The following PRR11 variants were observed in gnomAD, a reference collection of about 807,000 sequenced individuals.
The protein encoded by PRR11 is proline-rich protein 11.
PRR11 carries 30 observed loss-of-function variants against 45.6 expected under a neutral mutation model. The ratio of observed to expected loss-of-function variants is 0.66; its 90% CI spans 0.49 to 0.89. PRR11 has a LOEUF of 0.89. Among genes scored for constraint, PRR11 ranks in the 40% least tolerant of loss-of-function variants. The probability of loss-of-function intolerance (pLI) is 0.00; values close to 1 mark genes in which losing one functional copy is unlikely to be tolerated. For missense variants in PRR11, 373 were observed against 424.8 expected (o/e 0.88, Z 1.07); for synonymous variants, 128 against 153.5 (o/e 0.83, Z 1.23).
intron 4 of PRR11, among the ~76,000 whole-genome samples, chr17:59,186,457 A>G (rs915103135): frequency 7.9e-6 from 1 of 127,274 alleles, no homozygotes; most frequent in Non-Finnish European, 1.6e-5. Context: ...GTGCAGTGGC[A>G]TGATCATGGC....
At position 59,194,880 on chromosome 17, in the gene PRR11, TGC is replaced by T. The variant is rs765973163; in HGVS notation, c.744+26_744+27del. ...GGTAAGATGTCATTGACCACATACATGCTCTTTTTGCTTTTAACAATATAGGC... is the reference window on the plus strand; with the variant it reads ...GGTAAGATGTCATTGACCACATACATTCTTTTTGCTTTTAACAATATAGGC... On this transcript the variant is annotated intron_variant, in intron 6 of 9. Coordinates refer to ENST00000262293, the MANE Select transcript of PRR11 (RefSeq NM_018304.4). 55 of 1,570,778 alleles carry T rather than the reference TGC, an allele frequency of 3.5e-5. No homozygotes were observed. In the East Asian group the frequency reaches 1.1e-3, roughly 33 times the overall value.
intron 7 of PRR11, 136 bp from the exon 8 acceptor site, chr17:59,197,408 C>A (rs1478461357): frequency 2.6e-6 from 2 of 780,038 alleles, no homozygotes; most frequent in Non-Finnish European, 4.1e-6. Context: ...CCCACCACCA[C>A]ACCTGGCTAA....
intron 1 of PRR11, chr17:59,163,504 T>G (rs1284043843): frequency 1.3e-5 from 2 of 152,224 alleles, no homozygotes; most frequent in East Asian, 3.8e-4. Context: ...TTTAAGCACT[T>G]ACCAGCAATT....
At chr17:59,165,805 AAAAC>A (rs1319358149) in intron 1 of PRR11, among the ~76,000 whole-genome samples, 1 of 152,210 alleles carries the variant, frequency 6.6e-6, no homozygotes, top group East Asian at 1.9e-4. Flanking sequence ...AAAAAAAACA[AAAAC>A]AAACAAAACA....
chr17:59,163,742 A>C (rs1683427658), intron 1 of PRR11: 1 of 152,230 alleles, frequency 6.6e-6, no homozygotes, highest in Non-Finnish European at 1.5e-5. Context: ...AAAAATCAAA[A>C]GAGGAACAAT....
At chr17:59,189,763 T>A (rs2046832355) in intron 4 of PRR11, among the ~76,000 whole-genome samples, 1 of 152,248 alleles carries the variant, frequency 6.6e-6, no homozygotes, top group Admixed American at 6.5e-5. Flanking sequence ...TTTTTTGAAT[T>A]CCTATAATTT....
At chr17:59,189,579 C>T (rs778371728) in intron 4 of PRR11, among the ~76,000 whole-genome samples, 117 of 152,204 alleles carry the variant, frequency 7.7e-4, no homozygotes, top group Non-Finnish European at 9.3e-4. Context: ...AGTGATCTGC[C>T]TGCCTCGGCC....
chr17:59,177,203 G>A (rs548938382), intron 2 of PRR11: 5 of 548,146 alleles, frequency 9.1e-6, no homozygotes, highest in South Asian at 2.8e-5. Context: ...TGGTATTGCC[G>A]GGAGAAGAGG....
At chr17:59,169,363 G>A (rs2046695962) in intron 1 of PRR11, among the ~76,000 whole-genome samples, 1 of 152,022 alleles carries the variant, frequency 6.6e-6, no homozygotes, top group Non-Finnish European at 1.5e-5. Context: ...CTCCCAAAGT[G>A]CTGAGATTAC....
At chr17:59,179,322 A>C (rs2046767653) in intron 2 of PRR11, among the ~76,000 whole-genome samples, 1 of 152,098 alleles carries the variant, frequency 6.6e-6, no homozygotes, top group African/African-American at 2.4e-5. Flanking sequence ...CCCCGGCTGG[A>C]GTGCAGTGGT....
intron 2 of PRR11, among the ~76,000 whole-genome samples, 192 bp downstream of exon 2, chr17:59,170,072 G>A (rs1257113797): frequency 6.6e-6 from 1 of 152,082 alleles, no homozygotes; most frequent in Non-Finnish European, 1.5e-5. Context: ...GGCCAATGTG[G>A]CAAAACCCTG....
In PRR11 at chr17:59,205,890, A is replaced by AT. The variant is rs567458776; in HGVS notation, c.*4259_*4260insT. ...GTGAAACCCCGTCTCTACCAAAAAA[A>AT]ATATATAAAAATTATCTGGGTGTGG... On this transcript the variant is annotated 3_prime_UTR_variant, in exon 10 of 10. Transcript: ENST00000262293. Among the ~76,000 whole-genome samples the AT allele has an allele frequency of 0.1, 15,316 of 151,324 alleles. 1,017 individuals are homozygous for AT. The highest frequency in any genetic ancestry group is 0.26 in the South Asian group (1,248 of 4,790).
rs1177336073 is a variant in PRR11 at position 59,165,412 on chromosome 17, T to C, written c.-5-4336T>C. On this transcript the variant is annotated intron_variant, in intron 1 of 9. Transcript: ENST00000262293. ...AGTGCAGTGGCACAATAATAGTTCA[T>C]TGCAGCCTCAAACTCCTAGGCTCAT... 2.6e-5 allele frequency among the ~76,000 whole-genome samples: 4 copies of C among 152,018 alleles called. 1 individual carries two copies. The Middle Eastern group carries it at 0.013, about 487-fold the overall frequency.
intron 4 of PRR11, among the ~76,000 whole-genome samples, chr17:59,191,112 T>A (rs1031862712): frequency 6.6e-6 from 1 of 152,098 alleles, no homozygotes; most frequent in Non-Finnish European, 1.5e-5. Context: ...AGGAGTTTCC[T>A]CCCCTCCTCT....
chr17:59,187,046 C>T (rs2046817292), intron 4 of PRR11, among the ~76,000 whole-genome samples: 1 of 151,924 alleles, frequency 6.6e-6, no homozygotes, highest in Non-Finnish European at 1.5e-5. Context: ...TGAGTAGGGC[C>T]AGGCACAGTG....
chr17:59,163,836 G>C (rs1336599936), intron 1 of PRR11, among the ~76,000 whole-genome samples: 1 of 152,194 alleles, frequency 6.6e-6, no homozygotes, highest in Non-Finnish European at 1.5e-5. Context: ...GGAGGCCAAG[G>C]CTGATGGATC....
At chr17:59,200,727 T>C (rs1233666830) in intron 9 of PRR11, among the ~76,000 whole-genome samples, 1 of 151,998 alleles carries the variant, frequency 6.6e-6, no homozygotes, top group African/African-American at 2.4e-5. Flanking sequence ...CTCCTGACCT[T>C]GTGATCCACC....
At chr17:59,186,111 G>A (rs1459890698) in intron 4 of PRR11, among the ~76,000 whole-genome samples, 1 of 152,028 alleles carries the variant, frequency 6.6e-6, no homozygotes, top group African/African-American at 2.4e-5. Flanking sequence ...TAAAACTGTG[G>A]GAAGATTTTT....
chr17:59,161,053 TTA>T (rs1201029700), intron 1 of PRR11, among the ~76,000 whole-genome samples: 1 of 152,066 alleles, frequency 6.6e-6, no homozygotes, highest in Non-Finnish European at 1.5e-5. Flanking sequence ...GCCTATATGT[TTA>T]TGTTTCTAAT....
Sources: allele counts gnomAD v4.1 joint callset (sites outside exome capture counted in the v4.1 genomes callset), GRCh38; gene constraint gnomAD v4.1.1; transcripts MANE v1.5; gene names NCBI Gene and HGNC (gene_info 2026-07-23, HGNC 2026-07-21).